The following KDM2B variants were observed in gnomAD, a reference collection of about 807,000 sequenced individuals.
KDM2B encodes the protein lysine demethylase 2B.
In KDM2B, 26 loss-of-function variants were observed where a neutral mutation model predicts 150.0. That is an observed-to-expected ratio of 0.17 (90% confidence interval 0.13 to 0.24). The LOEUF is 0.24. Among genes scored for constraint, KDM2B ranks in the 10% least tolerant of loss-of-function variants. KDM2B has a pLI of 1.00. For synonymous variants in KDM2B, 734 were observed against 729.5 expected, an observed-to-expected ratio of 1.01 and a Z score of -0.10; for missense variants, 1,265 against 1,816.9, an observed-to-expected ratio of 0.70 and a Z score of 5.52.
In KDM2B at chr12:121,431,137, C is replaced by CT. The variant is rs34210302; in HGVS notation, c.3830-669dup. Among the ~76,000 whole-genome samples the CT allele has an allele frequency of 4.3e-3, 628 of 147,594 alleles. 4 individuals carry two copies. Among genetic ancestry groups the CT allele is most frequent in the East Asian group, 8.9e-3 (45 of 5,060 alleles). ...CTCATCTGCAGACACACCCTTTGTG[C>CT]TTTTTTTTTTTGAGACAGAGTCTCG... is the stretch of plus-strand genomic sequence containing the variant. On this transcript the variant is annotated intron_variant, in intron 22 of 22. Coordinates refer to ENST00000377071, the MANE Select transcript of KDM2B (RefSeq NM_032590.5).
intron 12 of KDM2B, among the ~76,000 whole-genome samples, chr12:121,480,228 GA>G (rs1430957663): frequency 6.6e-6 from 1 of 152,094 alleles, no homozygotes; most frequent in Non-Finnish European, 1.5e-5. Context: ...TGAATAATGG[GA>G]TATCAGACTT....
intron 4 of KDM2B, among the ~76,000 whole-genome samples, chr12:121,550,569 C>T (rs1889409578): frequency 6.6e-6 from 1 of 152,186 alleles, no homozygotes; most frequent in African/African-American, 2.4e-5. Context: ...TCTCGGCTCA[C>T]TGCAACCTCC....
intron 22 of KDM2B, among the ~76,000 whole-genome samples, chr12:121,438,535 AC>A (rs1490032140): frequency 3.3e-5 from 5 of 152,124 alleles, no homozygotes; most frequent in African/African-American, 9.7e-5. Context: ...CAAGGCCATG[AC>A]CTGGCCCTTG....
At chr12:121,579,939 C>T (rs1288917544) in intron 1 of KDM2B, 1 of 1,166,174 alleles carries the variant, frequency 8.6e-7, no homozygotes, top group East Asian at 3.6e-5. Flanking sequence ...CAGCGAGAAA[C>T]AACCAAAAAA....
intron 8 of KDM2B, among the ~76,000 whole-genome samples, chr12:121,532,300 A>T (rs1555307959): frequency 6.6e-6 from 1 of 152,130 alleles, no homozygotes; most frequent in Non-Finnish European, 1.5e-5. Flanking sequence ...ACCAGCCAAA[A>T]GCCCTTAGTC....
Position 121,439,995 on chromosome 12 carries a change from G to C in KDM2B, c.3691C>G (p.Arg1231Gly). ...AGLDITDASL[R>G]LIIRHMPLLS... ...AGGGGCATGTGGCGGATGATGAGCC[G>C]CAGGGAGGCATCTGTGATGTCCAGG... is the stretch of plus-strand genomic sequence containing the variant. The change falls in exon 22 of 23, where the codon CGG becomes GGG. Residue 1231 changes from arginine (R) to glycine (G), a missense_variant. Physicochemically the swap from Arg to Gly is moderately radical, Grantham distance 125 (BLOSUM62 -2). Around this residue, in one of 11 missense-constraint regions of KDM2B, gnomAD observed 251 missense variants for 397.8 expected, o/e 0.63. Transcript: ENST00000377071. 6.2e-7 allele frequency: 1 copy of C among 1,614,050 alleles called. No individual in the cohort carries two copies. Among genetic ancestry groups the C allele is most frequent in the Non-Finnish European group, 8.5e-7 (1 of 1,179,968 alleles).
the KDM2B span, chr12:121,416,253 G>A: frequency 4.3e-6 from 7 of 1,613,950 alleles, no homozygotes; most frequent in Non-Finnish European, 5.9e-6. Context: ...GCATTTGCAG[G>A]AGCCACCGGT....
At chr12:121,420,147 T>C in the KDM2B span, 1 of 1,155,712 alleles carries the variant, frequency 8.7e-7, no homozygotes, top group Admixed American at 1.8e-5. Context: ...TATGCTGGCT[T>C]TCTGGTCATC....
intron 4 of KDM2B, among the ~76,000 whole-genome samples, chr12:121,573,555 G>A (rs528818985): frequency 9.9e-5 from 15 of 151,338 alleles, no homozygotes; most frequent in Admixed American, 3.3e-4. Context: ...GATTACAGGC[G>A]TGAGCCACCA....
intron 12 of KDM2B, among the ~76,000 whole-genome samples, chr12:121,490,858 A>T (rs547159733): frequency 6.6e-6 from 1 of 152,236 alleles, no homozygotes; most frequent in East Asian, 1.9e-4. Flanking sequence ...TGGGAGATCA[A>T]AGCATTTCTT....
chr12:121,543,762 G>A (rs1432178713), intron 6 of KDM2B, among the ~76,000 whole-genome samples: 1 of 151,884 alleles, frequency 6.6e-6, no homozygotes, highest in Non-Finnish European at 1.5e-5. Context: ...AGGTTGCAGT[G>A]AGTCGAGATC....
chr12:121,437,134 C>T (rs1246875219), intron 22 of KDM2B, among the ~76,000 whole-genome samples: 1 of 151,320 alleles, frequency 6.6e-6, no homozygotes, highest in Non-Finnish European at 1.5e-5. Flanking sequence ...CGGGCAGTCC[C>T]AGAGGAGAAA....
In KDM2B at chr12:121,453,298, G is replaced by A. The variant is rs1877653185; in HGVS notation, c.1781C>T (p.Ala594Val). ...RPKGKLGPASAVKLAANRTTA... is the reference protein window; with the variant it reads ...RPKGKLGPASVVKLAANRTTA... Reference sequence around the variant, plus strand: ...TGTCCGGTTGGCGGCCAACTTCACCGCGGAGGCCGGGCCCAGCTTCCCCTT... The same window carrying A: ...TGTCCGGTTGGCGGCCAACTTCACCACGGAGGCCGGGCCCAGCTTCCCCTT... Residue 594 changes from alanine (A) to valine (V), a missense_variant, in exon 13 of 23, where the codon GCG becomes GTG. Coordinates refer to ENST00000377071, the MANE Select transcript of KDM2B (RefSeq NM_032590.5). The surrounding 1 kb of genome is among the most constrained non-coding windows in gnomAD (Gnocchi z 6.4). 1.9e-6 allele frequency: 3 copies of A among 1,599,832 alleles called. No individual in the cohort carries two copies. Among genetic ancestry groups the A allele is most frequent in the Non-Finnish European group, 2.6e-6 (3 of 1,173,284 alleles).
chr12:121,437,367 A>G (rs58431631), intron 22 of KDM2B, among the ~76,000 whole-genome samples: 124 of 152,308 alleles, frequency 8.1e-4, no homozygotes, highest in African/African-American at 2.7e-3. Context: ...CATGGTCATA[A>G]TAAGTGAAAG....
intron 6 of KDM2B, among the ~76,000 whole-genome samples, chr12:121,539,259 C>T (rs1322594448): frequency 3.5e-5 from 5 of 143,802 alleles, no homozygotes; most frequent in Non-Finnish European, 7.4e-5. Context: ...CTTCACCTCA[C>T]GAGGTCAAGG....
At chr12:121,490,204 G>A (rs1203764626) in intron 12 of KDM2B, among the ~76,000 whole-genome samples, 1 of 152,196 alleles carries the variant, frequency 6.6e-6, no homozygotes, top group African/African-American at 2.4e-5. Context: ...GGCATCGAGG[G>A]TGTGTTGCTT....
intron 8 of KDM2B, among the ~76,000 whole-genome samples, chr12:121,531,079 A>G (rs1887627625): frequency 6.6e-6 from 1 of 152,116 alleles, no homozygotes; most frequent in African/African-American, 2.4e-5. Flanking sequence ...TGGATTGAGC[A>G]CAGCTTAGAA....
downstream of KDM2B, among the ~76,000 whole-genome samples, chr12:121,427,873 T>C (rs1485055004): frequency 6.6e-6 from 1 of 152,198 alleles, no homozygotes; most frequent in Non-Finnish European, 1.5e-5. Flanking sequence ...GACTACGGGA[T>C]CCGTTCACCA....
rs2137992670 is a variant in KDM2B at position 121,440,947 on chromosome 12, G to A, written c.3479C>T (p.Ser1160Leu). The change falls in exon 21 of 23, where the codon TCA becomes TTA. Residue 1160 changes from serine to leucine, a missense_variant. This residue lies in a region of KDM2B where 251 missense variants were observed against 397.8 expected (regional missense o/e 0.63). Coordinates refer to ENST00000377071, the MANE Select transcript of KDM2B (RefSeq NM_032590.5). ...GLRDLVLSGC[S>L]WIAVSALCSS... is the part of the protein sequence containing the mutation. Reference sequence around the variant, plus strand: ...GCAAAGGGCCGAGACCGCGATCCATGAGCAGCCTGACAGCACCAAGTCCCG... The same window carrying A: ...GCAAAGGGCCGAGACCGCGATCCATAAGCAGCCTGACAGCACCAAGTCCCG... 1 of 1,614,062 alleles carries A rather than the reference G, an allele frequency of 6.2e-7. No homozygotes were observed. The highest frequency in any genetic ancestry group is 8.5e-7 in the Non-Finnish European group (1 of 1,180,004).
Sources: gnomAD v4.1 joint callset for allele counts (sites outside exome capture counted in the v4.1 genomes callset) on GRCh38, gnomAD v4.1.1 for gene constraint, gnomAD v4.1.1 regional missense constraint, Gnocchi (gnomAD v3.1) non-coding constraint, MANE v1.5 for transcripts, NCBI Gene and HGNC (gene_info 2026-07-23, HGNC 2026-07-21) for gene names.